The following ATP9B variants were observed in gnomAD, a reference collection of about 807,000 sequenced individuals.
ATP9B encodes the protein ATPase phospholipid transporting 9B.
Under a neutral mutation model 146.1 loss-of-function variants are expected in ATP9B, and 110 were observed. The ratio of observed to expected loss-of-function variants is 0.75; its 90% confidence interval spans 0.65 to 0.88. The LOEUF (loss-of-function observed/expected upper bound fraction) is 0.88, where lower values mean the gene tolerates loss of function less well. ATP9B is among the 40% of genes least tolerant of loss of function. The pLI is 0.00. For synonymous variants in ATP9B, 604 were observed against 569.7 expected (o/e 1.06, Z -0.86); for missense variants, 1,499 against 1,496.4 (o/e 1.00, Z -0.03).
chr18:79,346,245 A>G (rs1055507886), intron 23 of ATP9B, among the ~76,000 whole-genome samples: 1 of 150,154 alleles, frequency 6.7e-6, no homozygotes, highest in East Asian at 2.0e-4. Context: ...CTCAGCGCAC[A>G]GTCAGCACAC....
chr18:79,325,665 C>G (rs909526494), intron 15 of ATP9B, among the ~76,000 whole-genome samples: 3 of 152,086 alleles, frequency 2.0e-5, no homozygotes, highest in African/African-American at 7.2e-5. Context: ...GGGGCGAGGT[C>G]AGTGGCAGTG....
chr18:79,133,424 T>C (rs1459350800), intron 5 of ATP9B, among the ~76,000 whole-genome samples: 2 of 152,104 alleles, frequency 1.3e-5, no homozygotes, highest in African/African-American at 4.8e-5. Context: ...CATGAACACC[T>C]TCCATTTTTT....
chr18:79,214,886 G>A (rs929645302), intron 11 of ATP9B, among the ~76,000 whole-genome samples: 4 of 152,092 alleles, frequency 2.6e-5, no homozygotes, highest in African/African-American at 4.8e-5. Flanking sequence ...GGTGGCTCAC[G>A]CCTCTAATTA....
At chr18:79,299,868 A>G (rs2096578309) in intron 13 of ATP9B, 1 of 152,240 alleles carries the variant, frequency 6.6e-6, no homozygotes, top group South Asian at 2.1e-4. Context: ...CTGTCTGTTT[A>G]GAGAACTGTA....
At chr18:79,262,428 T>C (rs1030084438) in intron 12 of ATP9B, among the ~76,000 whole-genome samples, 17 of 152,160 alleles carry the variant, frequency 1.1e-4, no homozygotes, top group Non-Finnish European at 2.5e-4. Context: ...ACAAACCTTA[T>C]TGCCTCTAAT....
At chr18:79,236,614 AGGGACCC>A (rs2095843576) in intron 11 of ATP9B, among the ~76,000 whole-genome samples, 1 of 152,220 alleles carries the variant, frequency 6.6e-6, no homozygotes, top group Non-Finnish European at 1.5e-5. Flanking sequence ...AAGAAGAAGT[AGGGACCC>A]AGTTTTCTGT....
intron 19 of ATP9B, among the ~76,000 whole-genome samples, chr18:79,338,963 C>T (rs1260745090): frequency 6.6e-6 from 1 of 152,230 alleles, no homozygotes; most frequent in East Asian, 1.9e-4. Context: ...GATGAAGATG[C>T]TGTGCCATGG....
chr18:79,200,764 T>TCGGGGTCAGAGCAGAGTGGAGGTGGGAAC (rs1568388923), intron 9 of ATP9B, among the ~76,000 whole-genome samples: 1 of 3,874 alleles, frequency 2.6e-4, no homozygotes, highest in Non-Finnish European at 6.6e-4. Context: ...GGTGGGAACG[T>TCGGGGTCAGAGCAGAGTGGAGGTGGGAAC]TGGGGTCAGA....
At position 79,219,412 on chromosome 18, in the gene ATP9B, G is replaced by C. The variant is rs73971576; in HGVS notation, c.1107+5374G>C. ...GATTTTGGTTTTTTTTTTATGGTGA[G>C]AAAAATCCATATCACAAACCTATTA... On this transcript the variant is annotated intron_variant, in intron 11 of 29. Coordinates refer to ENST00000426216, the MANE Select transcript of ATP9B (RefSeq NM_198531.5). Among the ~76,000 whole-genome samples, 736 of 152,030 alleles carry C rather than the reference G, an allele frequency of 4.8e-3. 12 individuals are homozygous for C. Among genetic ancestry groups the C allele is most frequent in the African/African-American group, 0.017 (693 of 41,480 alleles).
chr18:79,201,291 A>G (rs940665764), intron 9 of ATP9B, among the ~76,000 whole-genome samples: 1 of 152,248 alleles, frequency 6.6e-6, no homozygotes, highest in African/African-American at 2.4e-5. Flanking sequence ...GAATAAAGAC[A>G]TGATAAATAA....
intron 13 of ATP9B, 87 bp downstream of exon 13, chr18:79,277,283 G>T (rs2096322438): frequency 6.7e-7 from 1 of 1,500,676 alleles, no homozygotes; most frequent in African/African-American, 1.4e-5. Context: ...ATGTTTATGT[G>T]TATGTATATA....
At chr18:79,334,343 C>G (rs1043628658) in intron 17 of ATP9B, among the ~76,000 whole-genome samples, 1 of 151,540 alleles carries the variant, frequency 6.6e-6, no homozygotes, top group African/African-American at 2.4e-5. Context: ...GGTGACAGAG[C>G]AAGACTCTGT....
chr18:79,131,797 G>T (rs2094382073), intron 5 of ATP9B, among the ~76,000 whole-genome samples: 1 of 152,346 alleles, frequency 6.6e-6, no homozygotes, highest in South Asian at 2.1e-4. Context: ...ATGAAGGGTT[G>T]CTACATGCTA....
chr18:79,095,409 GT>G (rs941536005), intron 1 of ATP9B, among the ~76,000 whole-genome samples: 1 of 152,126 alleles, frequency 6.6e-6, no homozygotes, highest in African/African-American at 2.4e-5. Flanking sequence ...CCCCAGTCCT[GT>G]TTTCCCCCTA....
intron 13 of ATP9B, among the ~76,000 whole-genome samples, chr18:79,296,321 A>G (rs2096547344): frequency 6.6e-6 from 1 of 152,242 alleles, no homozygotes; most frequent in African/African-American, 2.4e-5. Context: ...ACTGCAGCCC[A>G]GAAGGAGTGA....
At chr18:79,376,685 C>T (rs192151592) in intron 29 of ATP9B, among the ~76,000 whole-genome samples, 1 of 149,964 alleles carries the variant, frequency 6.7e-6, no homozygotes, top group Admixed American at 6.7e-5. Flanking sequence ...CCACCATGGC[C>T]GGCCTACAAC....
At position 79,154,434 on chromosome 18, in the gene ATP9B, T is replaced by C. The variant is rs79968321; in HGVS notation, c.727-70T>C. On this transcript the variant is annotated intron_variant, in intron 6 of 29. Transcript: ENST00000426216. ...TAGTTGTTTTCATAGGTATTTCTTA[T>C]TTGGAATGGAATTGTGTTAATTTGT... is the stretch of plus-strand genomic sequence containing the variant. 3,929 of 1,088,758 alleles carry C rather than the reference T, an allele frequency of 3.6e-3. 125 individuals are homozygous for C. In the East Asian group the frequency reaches 0.064, roughly 18 times the overall value. The allele number at this position is 1,088,758 out of a possible 1,614,324, so 67.4% of individuals were successfully genotyped here.
chr18:79,097,192 CTT>C (rs2074862226), intron 2 of ATP9B, among the ~76,000 whole-genome samples: 1 of 150,428 alleles, frequency 6.6e-6, no homozygotes, highest in Admixed American at 6.6e-5. Context: ...AAATTAGTGA[CTT>C]TATAGCTAAT....
Position 79,346,583 on chromosome 18 carries a change from G to A in ATP9B, c.2682+744G>A, listed in dbSNP as rs144011433. On this transcript the variant is annotated intron_variant, in intron 23 of 29. Transcript: ENST00000426216. ...CAGCGCACGTCAGCACGTGCTCAGC[G>A]CACAGTCAGCACACATTCGGCACAC... is the stretch of plus-strand genomic sequence containing the variant. Among the ~76,000 whole-genome samples the A allele has an allele frequency of 2.3e-3, 265 of 114,070 alleles. 10 individuals are homozygous for A. The East Asian group carries it at 0.037, about 16-fold the overall frequency. 74.8% of individuals were successfully genotyped at this position (114,070 alleles called of 152,430 possible).
Sources: gnomAD v4.1 joint callset for allele counts (sites outside exome capture counted in the v4.1 genomes callset) on GRCh38, gnomAD v4.1.1 for gene constraint, MANE v1.5 for transcripts, NCBI Gene and HGNC (gene_info 2026-07-23, HGNC 2026-07-21) for gene names.